CWH43: variants seen among roughly 807,000 people sequenced by gnomAD.
The protein encoded by CWH43 is PGAP2-interacting protein.
Under a neutral mutation model 85.7 loss-of-function variants are expected in CWH43, and 91 were observed. The ratio of observed to expected loss-of-function variants is 1.06; its 90% CI spans 0.90 to 1.26. The LOEUF is 1.26. CWH43 is among the 50% of genes most tolerant of loss of function. CWH43 has a pLI of 0.00. For synonymous variants in CWH43, 323 were observed against 293.6 expected (o/e 1.10, Z -1.02); for missense variants, 869 against 839.2 (o/e 1.04, Z -0.44).
intron 13 of CWH43, among the ~76,000 whole-genome samples, chr4:49,041,163 G>T (rs2109824732): frequency 6.6e-6 from 1 of 152,304 alleles, no homozygotes; most frequent in Admixed American, 6.5e-5. Context: ...AGTATAGTTT[G>T]AAGTCAGGTA....
intron 15 of CWH43, 39 bp downstream of exon 15, chr4:49,050,888 T>C: frequency 6.8e-7 from 1 of 1,476,886 alleles, no homozygotes. Context: ...TATGAGCTAC[T>C]GCATCCCTCT....
chr4:49,032,513 A>G (rs1784127166), intron 11 of CWH43, 53 bp from the exon 12 acceptor site: 3 of 1,605,186 alleles, frequency 1.9e-6, no homozygotes, highest in East Asian at 4.5e-5. Flanking sequence ...GTCCCAGTGC[A>G]TGGTAGAATG....
chr4:49,055,411 A>G (rs1416231220), intron 15 of CWH43, among the ~76,000 whole-genome samples: 1 of 151,954 alleles, frequency 6.6e-6, no homozygotes, highest in Non-Finnish European at 1.5e-5. Context: ...GTTTGCAGGT[A>G]TTTTGTTAAG....
At chr4:49,016,889 C>A (rs561835265) in intron 8 of CWH43, 5 of 784,996 alleles carry the variant, frequency 6.4e-6, no homozygotes, top group East Asian at 2.4e-5. Context: ...GGACTACCCA[C>A]GTAGCTCTGC....
chr4:49,000,070 C>T (rs1468330993), intron 6 of CWH43, among the ~76,000 whole-genome samples: 1 of 151,940 alleles, frequency 6.6e-6, no homozygotes, highest in Non-Finnish European at 1.5e-5. Flanking sequence ...AAAAAAACCA[C>T]TTTATTATAT....
chr4:49,039,433 A>T (rs1468442900), intron 13 of CWH43, among the ~76,000 whole-genome samples: 2 of 133,746 alleles, frequency 1.5e-5, no homozygotes, highest in Non-Finnish European at 3.1e-5. Context: ...ATATACACTT[A>T]TATATATATA....
At chr4:49,026,350 T>G (rs1783916131) in intron 9 of CWH43, among the ~76,000 whole-genome samples, 1 of 152,188 alleles carries the variant, frequency 6.6e-6, no homozygotes, top group Non-Finnish European at 1.5e-5. Flanking sequence ...ACAATACACT[T>G]CCTTCAAAGG....
At chr4:49,057,871 T>C (rs1229357077) in intron 15 of CWH43, among the ~76,000 whole-genome samples, 1 of 152,172 alleles carries the variant, frequency 6.6e-6, no homozygotes, top group Non-Finnish European at 1.5e-5. Flanking sequence ...TGACCTTCTT[T>C]GTCTCTTCTG....
chr4:49,039,630 G>T (rs1295093581), intron 13 of CWH43, among the ~76,000 whole-genome samples: 1 of 151,158 alleles, frequency 6.6e-6, no homozygotes, highest in Non-Finnish European at 1.5e-5. Context: ...TTCTTAGGGT[G>T]TAACATTATT....
At chr4:49,040,362 A>G (rs1260101065) in intron 13 of CWH43, among the ~76,000 whole-genome samples, 2 of 152,224 alleles carry the variant, frequency 1.3e-5, no homozygotes, top group Non-Finnish European at 2.9e-5. Flanking sequence ...AGTCCCACCA[A>G]CAGTGTAAAA....
chr4:49,051,216 G>T (rs1258323764), intron 15 of CWH43, among the ~76,000 whole-genome samples: 5 of 152,086 alleles, frequency 3.3e-5, no homozygotes. Context: ...CTTATTGGTT[G>T]GTCCTCTTAT....
chr4:49,033,241 A>G (rs921589746), intron 12 of CWH43, among the ~76,000 whole-genome samples: 2 of 152,256 alleles, frequency 1.3e-5, no homozygotes, highest in Admixed American at 6.5e-5. Context: ...GTTAAATGAC[A>G]TCTCTTCTCT....
At chr4:49,045,443 A>G (rs1242492336) in intron 14 of CWH43, among the ~76,000 whole-genome samples, 4 of 152,204 alleles carry the variant, frequency 2.6e-5, no homozygotes, top group Admixed American at 6.6e-5. Context: ...TTTTTGTTCA[A>G]TAACAGACCA....
At chr4:49,057,921 C>T (rs796747174) in intron 15 of CWH43, among the ~76,000 whole-genome samples, 3 of 152,142 alleles carry the variant, frequency 2.0e-5, no homozygotes, top group African/African-American at 7.2e-5. Context: ...TAAGTAGAGC[C>T]ATCCCACATC....
At chr4:49,042,944 T>TGCAAGAA (rs1784509930) in intron 13 of CWH43, among the ~76,000 whole-genome samples, 2 of 152,276 alleles carry the variant, frequency 1.3e-5, no homozygotes, top group South Asian at 4.1e-4. Flanking sequence ...TTGCCTGGGT[T>TGCAAGAA]CTCCTATGCA....
In CWH43 at chr4:49,007,342, C is replaced by T; in HGVS notation, c.1186+16C>T. 3 of 1,539,084 alleles carry T rather than the reference C, an allele frequency of 1.9e-6. No individual in the cohort carries two copies. The highest frequency in any genetic ancestry group is 2.6e-6 in the Non-Finnish European group (3 of 1,148,178). ...ATGAAACTTTGTAAGTATAGTTTTA[C>T]ATTCTTAAAAAAAATTAATTATATA... is the stretch of plus-strand genomic sequence containing the variant. On this transcript the variant is annotated intron_variant, in intron 8 of 15. Transcript: ENST00000226432.
intron 15 of CWH43, among the ~76,000 whole-genome samples, chr4:49,058,385 G>A (rs1225832194): frequency 1.3e-5 from 2 of 152,028 alleles, no homozygotes; most frequent in East Asian, 1.9e-4. Context: ...TACATTTTAT[G>A]TTATTGATGT....
intron 2 of CWH43, among the ~76,000 whole-genome samples, chr4:48,990,813 C>G (rs1358204493): frequency 2.0e-5 from 3 of 152,118 alleles, no homozygotes; most frequent in Admixed American, 6.6e-5. Flanking sequence ...TCTGTTCACA[C>G]ATAAACTTGT....
At chr4:49,031,660 TGGGAGCCAGGA>T (rs1311975792) in intron 11 of CWH43, among the ~76,000 whole-genome samples, 1 of 151,672 alleles carries the variant, frequency 6.6e-6, no homozygotes. Flanking sequence ...GGGGCAAGAG[TGGGAGCCAGGA>T]GGCAGAGATG....
Sources: allele counts gnomAD v4.1 joint callset (sites outside exome capture counted in the v4.1 genomes callset), GRCh38; gene constraint gnomAD v4.1.1; transcripts MANE v1.5; gene names NCBI Gene and HGNC (gene_info 2026-07-23, HGNC 2026-07-21).